EPHA5: variants seen among roughly 807,000 people sequenced by gnomAD.
EPHA5 encodes the protein EPH receptor A5.
A neutral mutation model predicts 105.0 loss-of-function variants in EPHA5; 60 were observed. That is an observed-to-expected ratio of 0.57 (90% CI 0.46 to 0.71). EPHA5 has a LOEUF of 0.71. EPHA5 is among the 30% of genes least tolerant of loss of function. The pLI is 0.00. For synonymous variants in EPHA5, 513 were observed against 449.1 expected, an observed-to-expected ratio of 1.14 and a Z score of -1.80; for missense variants, 1,218 against 1,274.7, an observed-to-expected ratio of 0.96 and a Z score of 0.68.
At chr4:65,577,375 T>C (rs2149390793) in intron 3 of EPHA5, among the ~76,000 whole-genome samples, 1 of 152,246 alleles carries the variant, frequency 6.6e-6, no homozygotes, top group East Asian at 1.9e-4. Flanking sequence ...GCATTTCATT[T>C]CAAAAGCATT....
intron 8 of EPHA5, among the ~76,000 whole-genome samples, chr4:65,369,758 G>A (rs139841696): frequency 5.1e-4 from 78 of 152,146 alleles, no homozygotes; most frequent in African/African-American, 1.8e-3. Context: ...CACGAGGTCA[G>A]GAGTTTGAAA....
In EPHA5 at chr4:65,481,562, G is replaced by A. The variant is rs4479758; in HGVS notation, c.1402+8815C>T. Among the ~76,000 whole-genome samples, 56 of 152,294 alleles carry A rather than the reference G, an allele frequency of 3.7e-4. No individual in the cohort carries two copies. In the East Asian group the frequency reaches 0.01, roughly 28 times the overall value. On this transcript the variant is annotated intron_variant, in intron 5 of 16. Transcript: ENST00000613740. ...ACTTTATTTAAGGTGGTTAACTGAT[G>A]GAAGAAAGCAATATTCTTTCTGACC...
intron 3 of EPHA5, among the ~76,000 whole-genome samples, chr4:65,546,159 T>C (rs1737351668): frequency 1.3e-5 from 2 of 152,022 alleles, no homozygotes; most frequent in African/African-American, 4.8e-5. Flanking sequence ...TACTGCATTT[T>C]AAACTTTTTA....
At chr4:65,577,305 G>A (rs377265016) in intron 3 of EPHA5, among the ~76,000 whole-genome samples, 1 of 152,024 alleles carries the variant, frequency 6.6e-6, no homozygotes, top group Non-Finnish European at 1.5e-5. Flanking sequence ...TTGAACCTCA[G>A]TATTTGCAGG....
rs1553943367 is a variant in EPHA5, at chr4:65,576,000, G to GAGAAAGAA, written c.910+25633_910+25640dup. ...AAAAAGAAAGAGAGAGAGAGAGAGA[G>GAGAAAGAA]AGAAAGAAAGAAAGAAAGAAAGAAA... On this transcript the variant is annotated intron_variant, in intron 3 of 16. Transcript: ENST00000613740. 6.4e-4 allele frequency among the ~76,000 whole-genome samples: 19 copies of GAGAAAGAA among 29,724 alleles called. 1 individual carries two copies. Among genetic ancestry groups the GAGAAAGAA allele is most frequent in the East Asian group, 3.0e-3 (3 of 1,010 alleles). The allele number at this position is 29,724 out of a possible 152,430, so 19.5% of individuals were successfully genotyped here.
At chr4:65,490,005 C>A (rs77332833) in intron 5 of EPHA5, among the ~76,000 whole-genome samples, 5,967 of 151,878 alleles carry the variant, frequency 0.039, 143 homozygotes, top group Admixed American at 0.073. Flanking sequence ...TAATCACATG[C>A]TAAATTAATG....
chr4:65,369,178 G>A (rs530027102), intron 8 of EPHA5, among the ~76,000 whole-genome samples: 1 of 152,114 alleles, frequency 6.6e-6, no homozygotes, highest in Non-Finnish European at 1.5e-5. Flanking sequence ...ATTGATGAAT[G>A]AATAAATGAA....
At chr4:65,652,741 G>C (rs1748722246) in intron 1 of EPHA5, among the ~76,000 whole-genome samples, 1 of 152,014 alleles carries the variant, frequency 6.6e-6, no homozygotes, top group Admixed American at 6.6e-5. Context: ...CAATTTTATT[G>C]TATATCAGAT....
intron 3 of EPHA5, among the ~76,000 whole-genome samples, chr4:65,545,083 C>T (rs909258379): frequency 2.0e-5 from 3 of 151,668 alleles, no homozygotes; most frequent in Admixed American, 6.6e-5. Flanking sequence ...ACCATGGGGG[C>T]TATTGTTCTT....
At chr4:65,490,786 C>G in intron 4 of EPHA5, 74 bp from the exon 5 acceptor site, 1 of 1,425,984 alleles carries the variant, frequency 7.0e-7, no homozygotes, top group Non-Finnish European at 9.5e-7. Context: ...CACACCAATT[C>G]CTGGTCTGAA....
At chr4:65,582,474 G>GAAAAAAAAAA (rs35859138) in intron 3 of EPHA5, among the ~76,000 whole-genome samples, 1 of 139,454 alleles carries the variant, frequency 7.2e-6, no homozygotes. Context: ...TAGCAATTGG[G>GAAAAAAAAAA]AAAAAAAAAA....
intron 3 of EPHA5, among the ~76,000 whole-genome samples, chr4:65,572,551 C>T (rs562723800): frequency 2.0e-5 from 3 of 152,158 alleles, no homozygotes; most frequent in Non-Finnish European, 2.9e-5. Flanking sequence ...TTTTTGTCAC[C>T]TTAAATAGCA....
chr4:65,330,651 G>T, intron 16 of EPHA5: 1 of 633,140 alleles, frequency 1.6e-6, no homozygotes, highest in Non-Finnish European at 2.0e-6. Flanking sequence ...AATGACAAAT[G>T]ACTTTAATAA....
At chr4:65,605,110 A>G (rs1368867127) in intron 2 of EPHA5, among the ~76,000 whole-genome samples, 4 of 152,122 alleles carry the variant, frequency 2.6e-5, no homozygotes, top group African/African-American at 9.7e-5. Flanking sequence ...CCCGTTAAGA[A>G]TAAATAACTG....
rs528762902 is a variant in EPHA5 at position 65,634,745 on chromosome 4, C to CT, written c.246+8617dup. Reference sequence around the variant, plus strand: ...GCTTTTCTATATCCACTAATGTGCTCTTTTTTTTACCCACTTCAGCATTAC... The same window carrying CT: ...GCTTTTCTATATCCACTAATGTGCTCTTTTTTTTTACCCACTTCAGCATTAC... On this transcript the variant is annotated intron_variant, in intron 2 of 16. Transcript: ENST00000613740. Among the ~76,000 whole-genome samples, 973 of 151,838 alleles carry CT rather than the reference C, an allele frequency of 6.4e-3. 7 individuals are homozygous for CT. The highest frequency in any genetic ancestry group is 0.017 in the Middle Eastern group (5 of 294).
chr4:65,590,307 C>T (rs530473072), intron 3 of EPHA5, among the ~76,000 whole-genome samples: 1 of 152,240 alleles, frequency 6.6e-6, no homozygotes, highest in African/African-American at 2.4e-5. Context: ...CACTGCTGGT[C>T]AGCCGTAAAT....
chr4:65,364,393 T>C (rs1209491086), intron 11 of EPHA5, among the ~76,000 whole-genome samples: 2 of 151,666 alleles, frequency 1.3e-5, no homozygotes, highest in Non-Finnish European at 3.0e-5. Flanking sequence ...AATCCTTGTA[T>C]TGCAAGGCTC....
intron 14 of EPHA5, among the ~76,000 whole-genome samples, chr4:65,341,374 T>G (rs548592399): frequency 2.6e-5 from 4 of 152,164 alleles, no homozygotes; most frequent in African/African-American, 9.6e-5. Flanking sequence ...TCTTTCCATC[T>G]TGGTGCTGAG....
intron 7 of EPHA5, among the ~76,000 whole-genome samples, chr4:65,404,768 T>G (rs923089776): frequency 2.0e-5 from 3 of 152,210 alleles, no homozygotes; most frequent in Non-Finnish European, 2.9e-5. Context: ...TCTAGGGGCC[T>G]TAGGTCTGTG....
Sources: allele counts gnomAD v4.1 joint callset (sites outside exome capture counted in the v4.1 genomes callset), GRCh38; gene constraint gnomAD v4.1.1; transcripts MANE v1.5; gene names NCBI Gene and HGNC (gene_info 2026-07-23, HGNC 2026-07-21).